Variants in LOXHD1 observed in about 807,000 individuals in gnomAD.
The protein encoded by LOXHD1 is lipoxygenase homology PLAT domains 1, also known as lipoxygenase homology domain-containing protein 1.
LOXHD1 carries 205 observed loss-of-function variants against 248.2 expected under a neutral mutation model. That is an observed-to-expected ratio of 0.83 (90% CI 0.74 to 0.93). The LOEUF (loss-of-function observed/expected upper bound fraction) is 0.93, where lower values mean the gene tolerates loss of function less well. Among genes scored for constraint, LOXHD1 ranks in the 40% least tolerant of loss-of-function variants. The pLI, the probability that LOXHD1 is intolerant of heterozygous loss-of-function variation, is 0.00. For synonymous variants in LOXHD1, 1,113 were observed against 1,162.8 expected (o/e 0.96, Z 0.87); for missense variants, 2,930 against 2,971.6 (o/e 0.99, Z 0.33).
chr18:46,572,112 G>A lies in LOXHD1; in HGVS notation c.2021C>T (p.Pro674Leu), dbSNP rs1428589106. ...DDGQLVRELL[P>L]SDSSATLKNF... ...CTTCAGTGTCGCGCTGCTGTCACTG[G>A]GTAGCAACTCTCGGACCAGCTGCCC... Residue 674 changes from proline to leucine, a missense_variant, in exon 15 of 41, where the codon CCC becomes CTC. By Grantham distance (98) the Pro-to-Leu change is moderately conservative. Transcript: ENST00000642948. The A allele has an allele frequency of 6.4e-7, 1 of 1,551,686 alleles. No individual in the cohort carries two copies. Among genetic ancestry groups the A allele is most frequent in the Non-Finnish European group, 8.7e-7 (1 of 1,147,032 alleles).
chr18:46,485,205 C>T (rs2032951581), intron 38 of LOXHD1, 54 bp from the exon 39 acceptor site: 1 of 1,524,618 alleles, frequency 6.6e-7, no homozygotes, highest in South Asian at 1.2e-5. Context: ...TGCCCGTCTT[C>T]AGGGCGGGAG....
chr18:46,640,642 T>G (rs548647843), intron 3 of LOXHD1, among the ~76,000 whole-genome samples: 2 of 152,234 alleles, frequency 1.3e-5, no homozygotes, highest in Non-Finnish European at 2.9e-5. Context: ...TCATTCTTTT[T>G]CTTGTACTAA....
At chr18:46,654,711 G>A (rs1008909393) in intron 1 of LOXHD1, among the ~76,000 whole-genome samples, 5 of 152,170 alleles carry the variant, frequency 3.3e-5, no homozygotes, top group Non-Finnish European at 7.3e-5. Context: ...AGGAAGTGGG[G>A]GAACCGTTGT....
intron 22 of LOXHD1, among the ~76,000 whole-genome samples, chr18:46,546,387 C>T (rs534362914): frequency 2.8e-4 from 43 of 151,492 alleles, no homozygotes; most frequent in African/African-American, 9.7e-4. Flanking sequence ...CCATTCCATT[C>T]CAATCCACTC....
chr18:46,522,676 T>C (rs1348275922), intron 31 of LOXHD1, among the ~76,000 whole-genome samples: 2 of 152,178 alleles, frequency 1.3e-5, no homozygotes, highest in Non-Finnish European at 2.9e-5. Flanking sequence ...AAAAGCTCCC[T>C]ATGGTCAACA....
At chr18:46,526,356 T>C (rs961734686) in intron 29 of LOXHD1, among the ~76,000 whole-genome samples, 3 of 152,180 alleles carry the variant, frequency 2.0e-5, no homozygotes, top group Non-Finnish European at 4.4e-5. Context: ...CCAGCTATGT[T>C]TGAATACCCT....
At chr18:46,582,044 C>A (rs1341372345) in intron 12 of LOXHD1, among the ~76,000 whole-genome samples, 1 of 152,114 alleles carries the variant, frequency 6.6e-6, no homozygotes, top group Non-Finnish European at 1.5e-5. Context: ...ATTAAAGAAA[C>A]CTTCATGTTA....
At chr18:46,582,656 A>G (rs774992502) in intron 12 of LOXHD1, among the ~76,000 whole-genome samples, 3 of 152,218 alleles carry the variant, frequency 2.0e-5, no homozygotes, top group Non-Finnish European at 4.4e-5. Context: ...CAAAAGCCGG[A>G]GTGTGGTGGC....
rs539384818 is a variant in LOXHD1 at position 46,519,140 on chromosome 18, C to A, written c.5272-884G>T. The A allele has an allele frequency of 3.1e-6, 3 of 965,828 alleles. No individual in the cohort carries two copies. In the East Asian group the frequency reaches 3.5e-4, roughly 111 times the overall value. 59.8% of individuals were successfully genotyped at this position (965,828 alleles called of 1,614,324 possible). On this transcript the variant is annotated intron_variant, in intron 33 of 40. Coordinates refer to ENST00000642948, the MANE Select transcript of LOXHD1 (RefSeq NM_001384474.1). ...GATGTTCTAGAATGTTCTTTGGTCC[C>A]AGATTCTTACTCCCTTCCTTCTCAC...
chr18:46,551,988 G>T (rs998836115), intron 21 of LOXHD1, among the ~76,000 whole-genome samples: 5 of 152,184 alleles, frequency 3.3e-5, no homozygotes, highest in Non-Finnish European at 7.3e-5. Flanking sequence ...TTTCTATGAG[G>T]TCCCTAGAGT....
At chr18:46,484,221 G>C (rs1195695522) in intron 39 of LOXHD1, among the ~76,000 whole-genome samples, 2 of 152,120 alleles carry the variant, frequency 1.3e-5, no homozygotes, top group Admixed American at 6.5e-5. Flanking sequence ...CCAGTCTAAG[G>C]TGTCCAGACT....
At chr18:46,578,772 ACT>A (rs1427062171) in intron 13 of LOXHD1, among the ~76,000 whole-genome samples, 1 of 152,226 alleles carries the variant, frequency 6.6e-6, no homozygotes, top group Non-Finnish European at 1.5e-5. Flanking sequence ...CTCAGCATCC[ACT>A]GTGTGCTGTG....
At chr18:46,556,061 T>G (rs1414359131) in intron 21 of LOXHD1, among the ~76,000 whole-genome samples, 1 of 150,540 alleles carries the variant, frequency 6.6e-6, no homozygotes, top group African/African-American at 2.4e-5. Flanking sequence ...CATGTGAAAA[T>G]TATATGAATT....
intron 40 of LOXHD1, among the ~76,000 whole-genome samples, chr18:46,479,495 G>A (rs1168804242): frequency 2.6e-5 from 4 of 152,018 alleles, no homozygotes; most frequent in Non-Finnish European, 4.4e-5. Flanking sequence ...ATGTGAGAGG[G>A]CATGGTCTGC....
intron 33 of LOXHD1, 64 bp from the exon 34 acceptor site, chr18:46,518,320 T>C (rs2035379084): frequency 6.6e-7 from 1 of 1,523,922 alleles, no homozygotes; most frequent in Admixed American, 2.0e-5. Context: ...CTGACCTGCC[T>C]CAGTCTCACC....
At chr18:46,538,611 T>A (rs558939691) in intron 25 of LOXHD1, among the ~76,000 whole-genome samples, 1 of 152,262 alleles carries the variant, frequency 6.6e-6, no homozygotes, top group East Asian at 1.9e-4. Context: ...AGCAGACTGG[T>A]TGAAAGCACA....
At chr18:46,550,659 T>C (rs2037061182) in intron 21 of LOXHD1, among the ~76,000 whole-genome samples, 1 of 148,312 alleles carries the variant, frequency 6.7e-6, no homozygotes, top group African/African-American at 2.5e-5. Context: ...CACAGAAGCA[T>C]ATGTTGAGGA....
chr18:46,567,466 G>T (rs769752905), intron 16 of LOXHD1, among the ~76,000 whole-genome samples: 2 of 152,240 alleles, frequency 1.3e-5, no homozygotes, highest in Non-Finnish European at 2.9e-5. Context: ...AAGCCTGAGA[G>T]CCCTCTGTGT....
Position 46,529,239 on chromosome 18 carries a change from C to A in LOXHD1, c.4468G>T (p.Asp1490Tyr). 1 of 1,551,684 alleles carries A rather than the reference C, an allele frequency of 6.4e-7. No homozygotes were observed. The highest frequency in any genetic ancestry group is 8.7e-7 in the Non-Finnish European group (1 of 1,146,972). ...VYITIYGDLG[D>Y]TGERYLGKSE... is the part of the protein sequence containing the mutation. The stretch of plus-strand genomic sequence containing the variant: ...TTGCCAAGGTATCGCTCCCCAGTGT[C>A]CCCGAGGTCTCCATAGATGGTGATG... Residue 1490 changes from aspartate (D) to tyrosine (Y), a missense_variant, in exon 29 of 41, where the codon GAC becomes TAC. Coordinates refer to ENST00000642948, the MANE Select transcript of LOXHD1 (RefSeq NM_001384474.1).
Sources: gnomAD v4.1 joint callset for allele counts (sites outside exome capture counted in the v4.1 genomes callset) on GRCh38, gnomAD v4.1.1 for gene constraint, MANE v1.5 for transcripts, NCBI Gene and HGNC (gene_info 2026-07-23, HGNC 2026-07-21) for gene names.